The following RPL39L variants were observed in gnomAD, a reference collection of about 807,000 sequenced individuals.
The protein encoded by RPL39L is ribosomal protein L39 like, also known as ribosomal protein eL39-like 2.
For synonymous variants in RPL39L, 16 were observed against 20.1 expected, an observed-to-expected ratio of 0.80 and a Z score of 0.55; for missense variants, 48 against 58.9, an observed-to-expected ratio of 0.81 and a Z score of 0.61.
At chr3:187,137,250 G>A (rs1367538489) in intron 1 of RPL39L, among the ~76,000 whole-genome samples, 4 of 140,856 alleles carry the variant, frequency 2.8e-5, no homozygotes, top group Admixed American at 1.5e-4. Context: ...GCTCACACCT[G>A]TAATCCCAGC....
intron 1 of RPL39L, among the ~76,000 whole-genome samples, chr3:187,133,720 C>T (rs1180211693): frequency 6.6e-6 from 1 of 151,996 alleles, no homozygotes; most frequent in Non-Finnish European, 1.5e-5. Flanking sequence ...GGTATAGGCT[C>T]ATTGGGAAGG....
At chr3:187,130,170 G>T (rs1489785628) in intron 1 of RPL39L, among the ~76,000 whole-genome samples, 1 of 152,162 alleles carries the variant, frequency 6.6e-6, no homozygotes, top group South Asian at 2.1e-4. Context: ...CCAGTCTTGG[G>T]ATTTGTGAGA....
chr3:187,138,565 G>A (rs990667136), intron 1 of RPL39L, among the ~76,000 whole-genome samples: 1 of 152,220 alleles, frequency 6.6e-6, no homozygotes, highest in African/African-American at 2.4e-5. Context: ...GAGGCAGATA[G>A]GTAAGACACT....
Position 187,121,217 on chromosome 3 carries a change from C to T in RPL39L, c.84G>A (p.Gln28=), listed in dbSNP as rs1198144470. ...ACCTGATTTTACTACCAGGTTTCAT[C>T]TGAATCCACTGGGGGATGGGACGAT... ...KQNRPIPQWI[Q]MKPGSKIRYN... Residue 28 remains glutamine, a synonymous_variant, in exon 3 of 3, where the codon CAG becomes CAA. Transcript: ENST00000296277. 1.2e-6 allele frequency: 2 copies of T among 1,613,844 alleles called. No individual in the cohort carries two copies. The highest frequency in any genetic ancestry group is 1.7e-6 in the Non-Finnish European group (2 of 1,179,862).
chr3:187,125,381 T>G (rs1162372414), intron 2 of RPL39L, among the ~76,000 whole-genome samples: 2 of 152,126 alleles, frequency 1.3e-5, no homozygotes, highest in Non-Finnish European at 2.9e-5. Flanking sequence ...TGGTTGGAGG[T>G]TGGCCATAAC....
intron 2 of RPL39L, among the ~76,000 whole-genome samples, chr3:187,125,088 A>G (rs974375347): frequency 3.3e-5 from 5 of 152,176 alleles, no homozygotes; most frequent in Admixed American, 3.3e-4. Flanking sequence ...GCTACTAAAT[A>G]AGGCAAATAC....
At chr3:187,130,583 C>A (rs1352590995) in intron 1 of RPL39L, among the ~76,000 whole-genome samples, 1 of 152,202 alleles carries the variant, frequency 6.6e-6, no homozygotes, top group Non-Finnish European at 1.5e-5. Context: ...TGAGTAAAAG[C>A]TCCCTGAGGC....
chr3:187,137,917 G>A (rs1447275136), intron 1 of RPL39L, among the ~76,000 whole-genome samples: 1 of 152,098 alleles, frequency 6.6e-6, no homozygotes, highest in Non-Finnish European at 1.5e-5. Flanking sequence ...CATTTCAAGT[G>A]CTGAATAGCT....
chr3:187,136,080 T>C (rs1720574418), intron 1 of RPL39L, among the ~76,000 whole-genome samples: 1 of 152,226 alleles, frequency 6.6e-6, no homozygotes, highest in South Asian at 2.1e-4. Context: ...TTGAGAGCCA[T>C]TCAAAACACT....
intron 2 of RPL39L, among the ~76,000 whole-genome samples, chr3:187,125,162 C>G (rs1232902037): frequency 6.6e-6 from 1 of 152,134 alleles, no homozygotes; most frequent in East Asian, 1.9e-4. Context: ...AGTGGTTAAA[C>G]TGAGTGGGCT....
intron 2 of RPL39L, among the ~76,000 whole-genome samples, chr3:187,123,768 T>C (rs1468791342): frequency 6.6e-6 from 1 of 152,182 alleles, no homozygotes; most frequent in African/African-American, 2.4e-5. Context: ...AGAACTACAG[T>C]AGGACAAATA....
intron 2 of RPL39L, among the ~76,000 whole-genome samples, chr3:187,125,032 CAT>C (rs1372381518): frequency 4.6e-5 from 7 of 152,126 alleles, no homozygotes; most frequent in African/African-American, 7.2e-5. Context: ...TCTAAAACCA[CAT>C]GTCTTTAGAT....
intron 1 of RPL39L, among the ~76,000 whole-genome samples, chr3:187,132,982 A>G (rs1250035692): frequency 6.6e-6 from 1 of 152,204 alleles, no homozygotes; most frequent in Non-Finnish European, 1.5e-5. Context: ...TACCTCATAC[A>G]CTGATAAGAA....
At chr3:187,137,298 CAGG>C (rs1005781017) in intron 1 of RPL39L, among the ~76,000 whole-genome samples, 2 of 150,234 alleles carry the variant, frequency 1.3e-5, no homozygotes, top group Admixed American at 6.6e-5. Context: ...CACCTGAGGT[CAGG>C]AGTTCCAGAC....
chr3:187,137,560 C>T (rs1720605078), intron 1 of RPL39L, among the ~76,000 whole-genome samples: 1 of 151,952 alleles, frequency 6.6e-6, no homozygotes, highest in Non-Finnish European at 1.5e-5. Flanking sequence ...CGCCTGCAAT[C>T]CCAGCACTTT....
chr3:187,136,024 A>G (rs1297678021), intron 1 of RPL39L, among the ~76,000 whole-genome samples: 1 of 152,256 alleles, frequency 6.6e-6, no homozygotes, highest in Non-Finnish European at 1.5e-5. Context: ...GACTGCATCC[A>G]GTACACACTG....
At chr3:187,132,790 T>C (rs1416297548) in intron 1 of RPL39L, among the ~76,000 whole-genome samples, 2 of 152,204 alleles carry the variant, frequency 1.3e-5, no homozygotes, top group African/African-American at 4.8e-5. Flanking sequence ...GAAGACCAAC[T>C]GGACTTTCCC....
chr3:187,134,483 T>TAAAAAAAAG (rs1720539115), intron 1 of RPL39L, among the ~76,000 whole-genome samples: 1 of 93,406 alleles, frequency 1.1e-5, no homozygotes, highest in African/African-American at 4.2e-5. Flanking sequence ...GCCTGACTGA[T>TAAAAAAAAG]AAAAAAAAAA....
At chr3:187,135,982 T>C (rs183557113) in intron 1 of RPL39L, among the ~76,000 whole-genome samples, 215 of 152,342 alleles carry the variant, frequency 1.4e-3, no homozygotes, top group African/African-American at 3.9e-3. Context: ...ACTCTTTCCA[T>C]GGAACTAGAG....
Sources: allele counts gnomAD v4.1 joint callset (sites outside exome capture counted in the v4.1 genomes callset), GRCh38; gene constraint gnomAD v4.1.1; transcripts MANE v1.5; gene names NCBI Gene and HGNC (gene_info 2026-07-23, HGNC 2026-07-21).